The following ARID4A variants were observed in gnomAD, a reference collection of about 807,000 sequenced individuals.
ARID4A encodes AT-rich interactive domain-containing protein 4A.
In ARID4A, 39 loss-of-function variants were observed where a neutral mutation model predicts 148.6. The observed-to-expected ratio is 0.26, with a 90% CI of 0.20 to 0.34. The LOEUF (loss-of-function observed/expected upper bound fraction) is 0.34, where lower values mean the gene tolerates loss of function less well. ARID4A is among the 10% of genes least tolerant of loss of function. The pLI is 1.00. For synonymous variants in ARID4A, 475 were observed against 481.2 expected, an observed-to-expected ratio of 0.99 and a Z score of 0.17; for missense variants, 1,265 against 1,449.1, an observed-to-expected ratio of 0.87 and a Z score of 2.06.
In ARID4A at chr14:58,371,950, A is replaced by G. The variant is rs1051860; in HGVS notation, c.3735A>G (p.Ser1245=). 0.58 allele frequency: 935,238 copies of G among 1,606,558 alleles called. 275,233 individuals are homozygous for G. The highest frequency in any genetic ancestry group is 0.65 in the Admixed American group (39,135 of 59,852). The change falls in exon 24 of 24, where the codon TCA becomes TCG. Residue 1245 remains serine, a synonymous_variant. Coordinates refer to ENST00000355431, the MANE Select transcript of ARID4A (RefSeq NM_002892.4). ...SSDTGMSPSS[S]SPPQNVLAVE... is the part of the protein sequence containing the mutation. ...ACACTGGAATGAGTCCCTCATCATCATCTCCCCCACAAAATGTACTTGCTG... is the reference window on the plus strand; with the variant it reads ...ACACTGGAATGAGTCCCTCATCATCGTCTCCCCCACAAAATGTACTTGCTG...
At chr14:58,323,988 T>A (rs1278472528) in intron 8 of ARID4A, among the ~76,000 whole-genome samples, 1 of 143,550 alleles carries the variant, frequency 7.0e-6, no homozygotes, top group East Asian at 2.2e-4. Flanking sequence ...CACTGCAAGC[T>A]CTGCCTTCCG....
intron 5 of ARID4A, among the ~76,000 whole-genome samples, chr14:58,313,173 A>G (rs532185343): frequency 2.0e-5 from 3 of 152,338 alleles, no homozygotes; most frequent in South Asian, 2.1e-4. Context: ...GAGAGAACCA[A>G]TAAGATATAG....
intron 7 of ARID4A, among the ~76,000 whole-genome samples, chr14:58,319,065 G>T (rs983106326): frequency 6.6e-6 from 1 of 151,866 alleles, no homozygotes; most frequent in African/African-American, 2.4e-5. Context: ...TTTTGTTTTT[G>T]ATTTTGTTTT....
chr14:58,301,539 G>A (rs2031169830), intron 2 of ARID4A, 41 bp from the exon 3 acceptor site: 1 of 1,413,044 alleles, frequency 7.1e-7, no homozygotes, highest in Non-Finnish European at 1.0e-6. Flanking sequence ...GAGTAGGGAG[G>A]CATAGTAATG....
chr14:58,318,858 A>G, intron 7 of ARID4A, 53 bp downstream of exon 7: 1 of 1,447,826 alleles, frequency 6.9e-7, no homozygotes. Flanking sequence ...ATAACCTTAA[A>G]CAAGGGATTT....
chr14:58,329,559 G>A lies in ARID4A; in HGVS notation c.694G>A (p.Val232Ile), dbSNP rs1248490650. 1.2e-6 allele frequency: 2 copies of A among 1,607,130 alleles called. No individual in the cohort carries two copies. The highest frequency in any genetic ancestry group is 4.5e-5 in the East Asian group (2 of 44,668). ...YSIARKDIKE[V>I]DILNLPESEL... is the part of the protein sequence containing the mutation. The stretch of plus-strand genomic sequence containing the variant: ...TATAGCAAGAAAGGACATTAAGGAA[G>A]TAGACATTCTCAATCTACCGGAATC... The change falls in exon 10 of 24, where the codon GTA becomes ATA. Residue 232 changes from valine (V) to isoleucine (I), a missense_variant. Transcript: ENST00000355431.
Position 58,334,055 on chromosome 14 carries a change from CAG to C in ARID4A, c.906+3889_906+3890del, listed in dbSNP as rs1158540904. Among the ~76,000 whole-genome samples the C allele has an allele frequency of 2.0e-5, 3 of 152,056 alleles. No homozygotes were observed. The East Asian group carries it at 5.8e-4, about 29-fold the overall frequency. On this transcript the variant is annotated intron_variant, in intron 11 of 23. Coordinates refer to ENST00000355431, the MANE Select transcript of ARID4A (RefSeq NM_002892.4). ...AACAAAAATGCCCTTATGTATTTAG[CAG>C]AGTCTTTCTTCACAGTGTTAGTGTA...
chr14:58,365,637 A>G lies in ARID4A; in HGVS notation c.3316+15A>G, dbSNP rs202109788. On this transcript the variant is annotated intron_variant, in intron 21 of 23. Transcript: ENST00000355431. ...GAATGGAACAGGTTGGTGTCTTTCA[A>G]TGCTAGCTTTTGTATAGTGTTAGTA... The G allele has an allele frequency of 2.7e-4, 439 of 1,604,262 alleles. 3 individuals carry two copies. Among genetic ancestry groups the G allele is most frequent in the East Asian group, 2.1e-3 (93 of 44,764 alleles).
rs1039540234 is a variant in ARID4A at position 58,373,832 on chromosome 14, G to C, written c.*1843G>C. 1.3e-5 allele frequency: 2 copies of C among 154,444 alleles called. No individual in the cohort carries two copies. The highest frequency in any genetic ancestry group is 4.8e-5 in the African/African-American group (2 of 41,406). The allele number at this position is 154,444 out of a possible 1,614,324, so 9.6% of individuals were successfully genotyped here. On this transcript the variant is annotated 3_prime_UTR_variant, in exon 24 of 24. Coordinates refer to ENST00000355431, the MANE Select transcript of ARID4A (RefSeq NM_002892.4). ...AGATTTCACAAAACCAAGCATTTTA[G>C]TATATTCAGCCTTTACAATAAAATA... is the stretch of plus-strand genomic sequence containing the variant.
At chr14:58,329,444 A>AT in intron 9 of ARID4A, 84 bp from the exon 10 acceptor site, 1 of 900,524 alleles carries the variant, frequency 1.1e-6, no homozygotes, top group Non-Finnish European at 1.7e-6. Context: ...TGAGGTTTTT[A>AT]TTTTTCTATG....
In ARID4A at chr14:58,373,401, G is replaced by T. The variant is rs1416940260; in HGVS notation, c.*1412G>T. On this transcript the variant is annotated 3_prime_UTR_variant, in exon 24 of 24. Transcript: ENST00000355431. ...AATTCATGTTTGTACATTGAAAGGG[G>T]TTTTTTTTTTAAACCTCCTTTTCTG... is the stretch of plus-strand genomic sequence containing the variant. The T allele has an allele frequency of 7.4e-5, 13 of 175,796 alleles. No homozygotes were observed. Among genetic ancestry groups the T allele is most frequent in the Non-Finnish European group, 1.3e-4 (11 of 82,842 alleles). 10.9% of individuals were successfully genotyped at this position (175,796 alleles called of 1,614,324 possible).
At chr14:58,354,704 GAAAA>G (rs983825847) in intron 17 of ARID4A, among the ~76,000 whole-genome samples, 2 of 140,802 alleles carry the variant, frequency 1.4e-5, no homozygotes, top group Non-Finnish European at 3.2e-5. Context: ...AAAAAAAAAA[GAAAA>G]AAGAGATTTT....
intron 5 of ARID4A, among the ~76,000 whole-genome samples, chr14:58,317,624 CTTTTTT>C (rs71107933): frequency 4.7e-4 from 33 of 69,876 alleles, no homozygotes; most frequent in African/African-American, 1.8e-3. Context: ...TTATATTTGT[CTTTTTT>C]TTTTTTTTTT....
At chr14:58,361,180 C>A in intron 19 of ARID4A, 138 bp downstream of exon 19, 1 of 1,347,588 alleles carries the variant, frequency 7.4e-7, no homozygotes, top group Non-Finnish European at 9.8e-7. Context: ...GTGAAATATT[C>A]ACAGTACAGG....
At chr14:58,345,898 T>C (rs2034341124) in intron 12 of ARID4A, among the ~76,000 whole-genome samples, 2 of 151,562 alleles carry the variant, frequency 1.3e-5, no homozygotes, top group African/African-American at 4.8e-5. Context: ...ACTCAGCTAA[T>C]GTTTTCCTTT....
chr14:58,335,903 C>T (rs2033790346), intron 11 of ARID4A, among the ~76,000 whole-genome samples: 1 of 152,154 alleles, frequency 6.6e-6, no homozygotes, highest in Non-Finnish European at 1.5e-5. Context: ...TACTCCAAGC[C>T]ACTGTTCTCT....
rs982203945 is a variant in ARID4A, at chr14:58,319,967, G to C, written c.449+1162G>C. Among the ~76,000 whole-genome samples, 29 of 42,484 alleles carry C rather than the reference G, an allele frequency of 6.8e-4. No individual in the cohort carries two copies. In the Admixed American group the frequency reaches 7.4e-3, roughly 11 times the overall value. 27.9% of individuals were successfully genotyped at this position (42,484 alleles called of 152,430 possible). On this transcript the variant is annotated intron_variant, in intron 7 of 23. Coordinates refer to ENST00000355431, the MANE Select transcript of ARID4A (RefSeq NM_002892.4). ...TCTTTTCTTTTTTTTTTTTTTTTTTGAGACGGAGTATCACTCTGTCGCCAG... is the reference window on the plus strand; with the variant it reads ...TCTTTTCTTTTTTTTTTTTTTTTTTCAGACGGAGTATCACTCTGTCGCCAG...
rs2035627734 is a variant in ARID4A at position 58,371,804 on chromosome 14, G to C, written c.3671-82G>C. 4 of 1,048,126 alleles carry C rather than the reference G, an allele frequency of 3.8e-6. No individual in the cohort carries two copies. The Admixed American group carries it at 5.9e-5, about 15-fold the overall frequency. The allele number at this position is 1,048,126 out of a possible 1,614,324, so 64.9% of individuals were successfully genotyped here. ...CTGTGATTAAGGTGAATAATGTTAA[G>C]AATTTTATTTCTAATTTGCTGTTAG... On this transcript the variant is annotated intron_variant, in intron 23 of 23. Transcript: ENST00000355431.
At chr14:58,354,175 A>G (rs1302945339) in intron 17 of ARID4A, among the ~76,000 whole-genome samples, 2 of 152,184 alleles carry the variant, frequency 1.3e-5, no homozygotes, top group Non-Finnish European at 2.9e-5. Context: ...GGCTCAAGGC[A>G]CCATCTTTGG....
Sources: gnomAD v4.1 joint callset for allele counts (sites outside exome capture counted in the v4.1 genomes callset) on GRCh38, gnomAD v4.1.1 for gene constraint, MANE v1.5 for transcripts, NCBI Gene and HGNC (gene_info 2026-07-23, HGNC 2026-07-21) for gene names.